CASK: variants seen among roughly 807,000 people sequenced by gnomAD.
CASK encodes the protein peripheral plasma membrane protein CASK.
CASK carries 4 observed loss-of-function variants against 82.9 expected under a neutral mutation model. That is an observed-to-expected ratio of 0.05 (90% CI 0.02 to 0.11). CASK has a LOEUF of 0.11. Among genes scored for constraint, CASK ranks in the 10% least tolerant of loss-of-function variants. The pLI, the probability that CASK is intolerant of heterozygous loss-of-function variation, is 1.00. For synonymous variants in CASK, 259 were observed against 253.5 expected (o/e 1.02, Z -0.20); for missense variants, 358 against 720.9 (o/e 0.50, Z 5.76).
At chrX:41,679,304 C>T (rs1470151700) in intron 5 of CASK, among the ~76,000 whole-genome samples, 1 of 111,244 alleles carries the variant, frequency 9.0e-6, no homozygotes, top group Non-Finnish European at 1.9e-5. Context: ...CAAACCACTA[C>T]TCTGATATTT....
chrX:41,739,215 G>A (rs2068555424), intron 5 of CASK, among the ~76,000 whole-genome samples, 169 bp downstream of exon 5: 1 of 111,851 alleles, frequency 8.9e-6, no homozygotes, highest in South Asian at 3.7e-4. Context: ...AGTGTTCCTA[G>A]TAAGAATTAG....
At chrX:41,569,814 G>A (rs1365175366) in intron 15 of CASK, 68 bp from the exon 16 acceptor site, 1 of 650,810 alleles carries the variant, frequency 1.5e-6, no homozygotes, top group Non-Finnish European at 2.4e-6. Flanking sequence ...CTTAATATTT[G>A]TGATTTTGCG....
intron 2 of CASK, among the ~76,000 whole-genome samples, chrX:41,843,243 G>T (rs1009534775): frequency 8.9e-6 from 1 of 111,753 alleles, no homozygotes; most frequent in African/African-American, 3.2e-5. Context: ...TCTTATTCCT[G>T]ATCTTCGGAG....
intron 11 of CASK, among the ~76,000 whole-genome samples, chrX:41,613,004 A>T (rs2066120938): frequency 1.2e-5 from 1 of 85,119 alleles, no homozygotes; most frequent in Non-Finnish European, 2.3e-5. Flanking sequence ...TCCGGGAGGG[A>T]GGTGGGGGGG....
intron 14 of CASK, 84 bp from the exon 15 acceptor site, chrX:41,578,612 A>T (rs1253115356): frequency 4.1e-6 from 3 of 724,418 alleles, no homozygotes; most frequent in African/African-American, 4.2e-5. Context: ...ATTTTGAGAC[A>T]GGGTCTCACT....
At chrX:41,578,871 C>T (rs972661521) in intron 14 of CASK, among the ~76,000 whole-genome samples, 4 of 112,116 alleles carry the variant, frequency 3.6e-5, no homozygotes, top group African/African-American at 9.7e-5. Context: ...TGTGTAATAT[C>T]GACATCCAAC....
At chrX:41,767,910 C>T (rs1044991960) in intron 3 of CASK, among the ~76,000 whole-genome samples, 3 of 111,813 alleles carry the variant, frequency 2.7e-5, no homozygotes, top group Non-Finnish European at 5.6e-5. Flanking sequence ...ATTTCCCTCT[C>T]CATACTTTGT....
At chrX:41,765,638 G>A (rs1416475594) in intron 3 of CASK, among the ~76,000 whole-genome samples, 19 of 111,572 alleles carry the variant, frequency 1.7e-4, no homozygotes, top group Non-Finnish European at 3.6e-4. Context: ...AGGTTTAGAT[G>A]AGAATATATG....
At chrX:41,654,856 G>C (rs948164534) in intron 8 of CASK, among the ~76,000 whole-genome samples, 2 of 111,068 alleles carry the variant, frequency 1.8e-5, no homozygotes, top group South Asian at 7.7e-4. Flanking sequence ...GAAAAAGTCA[G>C]AAGGCAGAGA....
At chrX:41,839,530 CT>C (rs374371422) in intron 2 of CASK, among the ~76,000 whole-genome samples, 3,112 of 96,541 alleles carry the variant, frequency 0.032, 121 homozygotes, top group African/African-American at 0.11. Flanking sequence ...TTCTAGGAGT[CT>C]TTTTTTTTTT....
intron 2 of CASK, among the ~76,000 whole-genome samples, chrX:41,795,270 T>C (rs2069827483): frequency 1.8e-5 from 2 of 112,468 alleles, no homozygotes; most frequent in Non-Finnish European, 3.8e-5. Context: ...ATAAATACTT[T>C]GAAATCACAG....
chrX:41,739,352 A>G (rs756169006), intron 5 of CASK, 32 bp downstream of exon 5: 12 of 897,561 alleles, frequency 1.3e-5, no homozygotes, highest in Non-Finnish European at 6.5e-6. Flanking sequence ...TTTCTTCACA[A>G]ACATTAAAGT....
intron 1 of CASK, among the ~76,000 whole-genome samples, chrX:41,889,466 T>C (rs1336898477): frequency 9.0e-6 from 1 of 111,590 alleles, no homozygotes; most frequent in African/African-American, 3.3e-5. Context: ...AATTGTCTAT[T>C]CATGTCCTTA....
Position 41,757,861 on chromosome X carries a change from TAGAG to T in CASK, c.279-12264_279-12261del, listed in dbSNP as rs776719989. ...GTCTGTACAATTGTCTATAGACAAA[TAGAG>T]AGCATAAACAGGTATTTTGTCTTCA... On this transcript the variant is annotated intron_variant, in intron 3 of 26. Coordinates refer to ENST00000378163, the MANE Select transcript of CASK (RefSeq NM_001367721.1). 1.2e-4 allele frequency among the ~76,000 whole-genome samples: 13 copies of T among 111,984 alleles called. No individual in the cohort carries two copies. The South Asian group carries it at 3.0e-3, about 26-fold the overall frequency.
At chrX:41,673,838 T>G (rs942037778) in intron 5 of CASK, among the ~76,000 whole-genome samples, 10 of 103,247 alleles carry the variant, frequency 9.7e-5, no homozygotes, top group South Asian at 4.6e-4. Flanking sequence ...TGTTTTTTTT[T>G]TTTTTTTTTT....
chrX:41,742,519 T>C (rs2068610241), intron 4 of CASK, among the ~76,000 whole-genome samples: 1 of 111,950 alleles, frequency 8.9e-6, no homozygotes, highest in African/African-American at 3.2e-5. Context: ...ACTAATTGGG[T>C]TGCACTAAGG....
intron 5 of CASK, among the ~76,000 whole-genome samples, chrX:41,718,378 G>A (rs2147651590): frequency 8.8e-6 from 1 of 113,173 alleles, no homozygotes; most frequent in South Asian, 3.6e-4. Context: ...TTTATAGCCT[G>A]TCGGTCAGAA....
At chrX:41,757,278 TC>T (rs2068915482) in intron 3 of CASK, among the ~76,000 whole-genome samples, 1 of 111,524 alleles carries the variant, frequency 9.0e-6, no homozygotes, top group African/African-American at 3.3e-5. Context: ...TTCACAAATG[TC>T]CCATAACTAC....
chrX:41,566,688 C>T (rs2065323016), intron 16 of CASK, among the ~76,000 whole-genome samples: 1 of 111,462 alleles, frequency 9.0e-6, no homozygotes, highest in Admixed American at 9.6e-5. Flanking sequence ...TCAATGCCAT[C>T]CCCATAAAAC....
Sources: gnomAD v4.1 joint callset for allele counts (sites outside exome capture counted in the v4.1 genomes callset) on GRCh38, gnomAD v4.1.1 for gene constraint, MANE v1.5 for transcripts, NCBI Gene and HGNC (gene_info 2026-07-23, HGNC 2026-07-21) for gene names.